The following GRIN2A variants were observed in gnomAD, a reference collection of about 807,000 sequenced individuals.
The protein encoded by GRIN2A is glutamate receptor ionotropic, NMDA 2A.
Under a neutral mutation model 113.4 loss-of-function variants are expected in GRIN2A, and 22 were observed. The ratio of observed to expected loss-of-function variants is 0.19; its 90% CI spans 0.14 to 0.28. GRIN2A has a LOEUF of 0.28. GRIN2A is among the 10% of genes least tolerant of loss of function. GRIN2A has a pLI of 1.00. For missense variants in GRIN2A, 1,502 were observed against 1,887.0 expected (o/e 0.80, Z 3.78); for synonymous variants, 827 against 738.4 (o/e 1.12, Z -1.94).
At chr16:10,143,846 G>A (rs1431262592) in intron 2 of GRIN2A, among the ~76,000 whole-genome samples, 2 of 152,086 alleles carry the variant, frequency 1.3e-5, no homozygotes, top group African/African-American at 4.8e-5. Flanking sequence ...CACACCTGTA[G>A]TACCAACTAC....
chr16:9,988,889 G>A (rs554615638), intron 2 of GRIN2A, among the ~76,000 whole-genome samples: 2 of 152,214 alleles, frequency 1.3e-5, no homozygotes, highest in South Asian at 2.1e-4. Flanking sequence ...AACCAGACAG[G>A]AGGAGGGTCC....
At chr16:10,076,725 G>A (rs1311016054) in intron 2 of GRIN2A, among the ~76,000 whole-genome samples, 1 of 152,160 alleles carries the variant, frequency 6.6e-6, no homozygotes, top group Non-Finnish European at 1.5e-5. Context: ...AAGTAAATAT[G>A]GAAGAGTCGA....
At chr16:10,079,353 G>C (rs1209979090) in intron 2 of GRIN2A, among the ~76,000 whole-genome samples, 1 of 152,208 alleles carries the variant, frequency 6.6e-6, no homozygotes, top group Non-Finnish European at 1.5e-5. Context: ...GCCTTTAAGG[G>C]GAGACCTGAA....
chr16:10,163,293 C>G (rs1197966187), intron 2 of GRIN2A, among the ~76,000 whole-genome samples: 1 of 152,142 alleles, frequency 6.6e-6, no homozygotes, highest in Admixed American at 6.5e-5. Context: ...AAGCACCAGG[C>G]TCAGAAGGTG....
intron 10 of GRIN2A, among the ~76,000 whole-genome samples, chr16:9,815,123 C>G (rs2042161504): frequency 6.6e-6 from 1 of 151,302 alleles, no homozygotes; most frequent in African/African-American, 2.4e-5. Flanking sequence ...CAATGCAAAA[C>G]TTTCTATGAA....
chr16:9,909,641 G>A (rs550389169), intron 3 of GRIN2A, among the ~76,000 whole-genome samples: 1 of 152,098 alleles, frequency 6.6e-6, no homozygotes, highest in African/African-American at 2.4e-5. Flanking sequence ...GAAATTGATT[G>A]CCAAGAGGAT....
At chr16:9,888,960 G>T (rs1025675995) in intron 4 of GRIN2A, among the ~76,000 whole-genome samples, 3 of 151,956 alleles carry the variant, frequency 2.0e-5, no homozygotes, top group African/African-American at 4.8e-5. Flanking sequence ...ACTTATCCAT[G>T]ATGTATTATC....
At chr16:10,033,615 T>C (rs1293299749) in intron 2 of GRIN2A, 3 of 152,210 alleles carry the variant, frequency 2.0e-5, no homozygotes, top group East Asian at 3.8e-4. Context: ...TCAAGGCACA[T>C]ATAAAATGCT....
rs369736951 is a variant in GRIN2A at position 9,758,708 on chromosome 16, C to T, written c.*4441G>A. 1 of 215,648 alleles carries T rather than the reference C, an allele frequency of 4.6e-6. No homozygotes were observed. Among genetic ancestry groups the T allele is most frequent in the East Asian group, 6.8e-5 (1 of 14,618 alleles). 13.4% of individuals were successfully genotyped at this position (215,648 alleles called of 1,614,324 possible). On this transcript the variant is annotated 3_prime_UTR_variant, in exon 13 of 13. Transcript: ENST00000330684. ...GATCTATATCAAGTGGCAAGCTGAC[C>T]TCATCTGATACAATTAGATATGAAC... is the stretch of plus-strand genomic sequence containing the variant.
rs1306594513 is a variant in GRIN2A, at chr16:10,130,616, A to G, written c.414+49382T>C. ...GAAATGCCAAAAGGAGGAATTCTAT[A>G]TTTAACTCCCCTCCCAGCATCCAAA... On this transcript the variant is annotated intron_variant, in intron 2 of 12. Transcript: ENST00000330684. 2.0e-5 allele frequency among the ~76,000 whole-genome samples: 3 copies of G among 152,354 alleles called. No homozygotes were observed. In the East Asian group the frequency reaches 5.8e-4, roughly 29 times the overall value.
chr16:9,768,757 G>C (rs1490325227), intron 12 of GRIN2A, 94 bp downstream of exon 12: 1 of 845,846 alleles, frequency 1.2e-6, no homozygotes, highest in Non-Finnish European at 2.1e-6. Flanking sequence ...GGCTGGTAAG[G>C]GGAGGAAGTG....
intron 2 of GRIN2A, among the ~76,000 whole-genome samples, chr16:10,176,201 A>C (rs1641791): frequency 0.61 from 92,901 of 151,466 alleles, 28,841 homozygotes; most frequent in Non-Finnish European, 0.65. Context: ...GATGGGGTTT[A>C]AGCATGTTGG....
chr16:9,882,458 T>G (rs1475684971), intron 4 of GRIN2A, among the ~76,000 whole-genome samples: 1 of 152,060 alleles, frequency 6.6e-6, no homozygotes, highest in Non-Finnish European at 1.5e-5. Flanking sequence ...CCTCCCTTAA[T>G]GAGACAAATT....
At chr16:10,133,481 C>G (rs962416894) in intron 2 of GRIN2A, among the ~76,000 whole-genome samples, 1 of 152,160 alleles carries the variant, frequency 6.6e-6, no homozygotes, top group Non-Finnish European at 1.5e-5. Flanking sequence ...GTGCTGTGCA[C>G]CCATAATCCC....
intron 10 of GRIN2A, among the ~76,000 whole-genome samples, chr16:9,799,913 C>T (rs1037724728): frequency 4.6e-5 from 7 of 151,972 alleles, no homozygotes; most frequent in African/African-American, 1.7e-4. Context: ...CCTATGCATA[C>T]CCCAGAAAAT....
At chr16:10,112,938 G>A (rs563283085) in intron 2 of GRIN2A, 12 of 392,624 alleles carry the variant, frequency 3.1e-5, no homozygotes, top group South Asian at 8.1e-5. Flanking sequence ...GTCCACCTTC[G>A]GGCACAACCT....
intron 11 of GRIN2A, among the ~76,000 whole-genome samples, chr16:9,782,727 A>T (rs937688784): frequency 6.6e-6 from 1 of 152,238 alleles, no homozygotes; most frequent in African/African-American, 2.4e-5. Context: ...CAACAGGCCC[A>T]TTAGGGAATT....
rs539254824 is a variant in GRIN2A at position 9,987,096 on chromosome 16, G to T, written c.415-48545C>A. On this transcript the variant is annotated intron_variant, in intron 2 of 12. Transcript: ENST00000330684. ...CTCCAGTAAGAGACATTGTATTAGG[G>T]ACTCCACTTTTCACTGAGCACATAA... Among the ~76,000 whole-genome samples the T allele has an allele frequency of 5.9e-5, 9 of 152,238 alleles. No homozygotes were observed. In the South Asian group the frequency reaches 1.7e-3, roughly 28 times the overall value.
intron 2 of GRIN2A, among the ~76,000 whole-genome samples, chr16:10,138,400 G>C (rs981491905): frequency 3.3e-5 from 5 of 152,206 alleles, no homozygotes; most frequent in African/African-American, 9.6e-5. Context: ...TTACAATCAT[G>C]GTGGAAGACG....
Sources: gnomAD v4.1 joint callset for allele counts (sites outside exome capture counted in the v4.1 genomes callset) on GRCh38, gnomAD v4.1.1 for gene constraint, MANE v1.5 for transcripts, NCBI Gene and HGNC (gene_info 2026-07-23, HGNC 2026-07-21) for gene names.